APC2: variants seen among roughly 807,000 people sequenced by gnomAD.
APC2 encodes APC regulator of Wnt signaling pathway 2.
APC2 carries 41 observed loss-of-function variants against 72.5 expected under a neutral mutation model. The observed-to-expected ratio is 0.57, with a 90% CI of 0.44 to 0.73. The LOEUF is 0.73. Among genes scored for constraint, APC2 ranks in the 30% least tolerant of loss-of-function variants. The pLI is 0.00. For missense variants in APC2, 3,729 were observed against 3,403.4 expected (o/e 1.10, Z -2.38); for synonymous variants, 1,898 against 1,612.0 (o/e 1.18, Z -4.25).
rs1320583045 is a variant in APC2, at chr19:1,470,473, G to C, written c.*260G>C. 1 of 507,282 alleles carries C rather than the reference G, an allele frequency of 2.0e-6. No individual in the cohort carries two copies. The highest frequency in any genetic ancestry group is 3.3e-6 in the Non-Finnish European group (1 of 298,800). The allele number at this position is 507,282 out of a possible 1,614,324, so 31.4% of individuals were successfully genotyped here. The stretch of plus-strand genomic sequence containing the variant: ...TCCCGACCGTGGAGCGCTGGCAAGG[G>C]CGTCCTGGCCCAGCCCTGAGCGCGC... On this transcript the variant is annotated 3_prime_UTR_variant, in exon 15 of 15. Transcript: ENST00000590469.
intron 1 of APC2, chr19:1,451,170 A>T (rs970730775): frequency 6.5e-6 from 1 of 153,238 alleles, no homozygotes; most frequent in Non-Finnish European, 1.5e-5. Context: ...CGCTGGGCAG[A>T]GCTTGGAGGG....
In APC2 at chr19:1,466,907, C is replaced by A; in HGVS notation, c.3606C>A (p.Pro1202=). 1 of 1,584,860 alleles carries A rather than the reference C, an allele frequency of 6.3e-7. No individual in the cohort carries two copies. Among genetic ancestry groups the A allele is most frequent in the East Asian group, 2.3e-5 (1 of 43,518 alleles). The change falls in exon 15 of 15, where the codon CCC becomes CCA. Residue 1202 remains proline (P), a synonymous_variant. Coordinates refer to ENST00000590469, the MANE Select transcript of APC2 (RefSeq NM_005883.3). ...GCCCTAGCGAGCTGCCCGACAGCCC[C>A]GGACAGACCATGCCTCCCAGCCGGA... The part of the protein sequence containing the change: ...TISPSELPDS[P]GQTMPPSRSK...
chr19:1,459,031 C>T (rs747900022), intron 10 of APC2, among the ~76,000 whole-genome samples: 118 of 152,006 alleles, frequency 7.8e-4, no homozygotes, highest in Non-Finnish European at 7.4e-4. Flanking sequence ...CCTGCTCATC[C>T]TGTCCCCAGC....
chr19:1,452,966 C>G lies in APC2; in HGVS notation c.-18-18C>G. ...CTCCCCAGACCATCAGCTGAACCCT[C>G]TGACCCTGTGATCCCAGACGCTGCA... On this transcript the variant is annotated intron_variant, in intron 1 of 14. Coordinates refer to ENST00000590469, the MANE Select transcript of APC2 (RefSeq NM_005883.3). This position sits in a 1 kb window ranked among gnomAD's most constrained non-coding sequence, Gnocchi z 5.1. 6.2e-7 allele frequency: 1 copy of G among 1,608,982 alleles called. No individual in the cohort carries two copies. Among genetic ancestry groups the G allele is most frequent in the Non-Finnish European group, 8.5e-7 (1 of 1,178,994 alleles).
At position 1,467,440 on chromosome 19, in the gene APC2, C is replaced by T. The variant is rs977817857; in HGVS notation, c.4139C>T (p.Pro1380Leu). 6.8e-7 allele frequency: 1 copy of T among 1,478,078 alleles called. No individual in the cohort carries two copies. The highest frequency in any genetic ancestry group is 8.9e-7 in the Non-Finnish European group (1 of 1,118,378). 91.6% of individuals were successfully genotyped at this position (1,478,078 alleles called of 1,614,324 possible). The part of the protein sequence containing the change: ...PVPVYMLVPA[P>L]APAQEDDSCT... ...CCCGTCTACATGTTGGTGCCCGCCC[C>T]GGCCCCGGCCCAGGAGGACGACTCC... The change falls in exon 15 of 15, where the codon CCG becomes CTG. Residue 1380 changes from proline to leucine, a missense_variant. Physicochemically the swap from Pro to Leu is moderately conservative, Grantham distance 98. Coordinates refer to ENST00000590469, the MANE Select transcript of APC2 (RefSeq NM_005883.3).
upstream of APC2, among the ~76,000 whole-genome samples, chr19:1,449,241 C>G (rs893268635): frequency 4.6e-5 from 7 of 152,214 alleles, no homozygotes; most frequent in Non-Finnish European, 8.8e-5. Flanking sequence ...AATCACTCTT[C>G]TGGCCCCAGT....
At position 1,467,482 on chromosome 19, in the gene APC2, A is replaced by C; in HGVS notation, c.4181A>C (p.Glu1394Ala). ...QEDDSCTDSA[E>A]GTPVNFSSAA... Reference sequence around the variant, plus strand: ...GACGACTCCTGCACTGACTCCGCGGAGGGCACGCCGGTCAACTTCTCTAGC... The same window carrying C: ...GACGACTCCTGCACTGACTCCGCGGCGGGCACGCCGGTCAACTTCTCTAGC... The change falls in exon 15 of 15, where the codon GAG (glutamate) becomes GCG (alanine). Residue 1394 changes from glutamate (E) to alanine (A), a missense_variant. Coordinates refer to ENST00000590469, the MANE Select transcript of APC2 (RefSeq NM_005883.3). The C allele has an allele frequency of 6.9e-7, 1 of 1,453,108 alleles. No individual in the cohort carries two copies. The highest frequency in any genetic ancestry group is 1.3e-5 in the South Asian group (1 of 74,530). 90.0% of individuals were successfully genotyped at this position (1,453,108 alleles called of 1,614,324 possible).
In APC2 at chr19:1,468,304, G is replaced by T; in HGVS notation, c.5003G>T (p.Arg1668Leu). ...DERPAEGSRE[R>L]GEEAAGSDRA... ...CGGCCCGCAGAGGGGTCCCGGGAACGCGGCGAGGAGGCAGCGGGCTCGGAC... is the reference window on the plus strand; with the variant it reads ...CGGCCCGCAGAGGGGTCCCGGGAACTCGGCGAGGAGGCAGCGGGCTCGGAC... Residue 1668 changes from arginine (R) to leucine (L), a missense_variant, in exon 15 of 15, where the codon CGC becomes CTC. By Grantham distance (102) the Arg-to-Leu change is moderately radical (BLOSUM62 -2). Transcript: ENST00000590469. The T allele has an allele frequency of 6.5e-7, 1 of 1,543,910 alleles. No homozygotes were observed.
In APC2 at chr19:1,468,267, C is replaced by G. The variant is rs770760502; in HGVS notation, c.4966C>G (p.Arg1656Gly). 5.2e-6 allele frequency: 8 copies of G among 1,529,240 alleles called. No individual in the cohort carries two copies. The East Asian group carries it at 1.3e-4, about 24-fold the overall frequency. The allele number at this position is 1,529,240 out of a possible 1,614,324, so 94.7% of individuals were successfully genotyped here. A position where few individuals can be genotyped will look rare whatever the true frequency, so the allele number is the denominator to read the frequency against. Residue 1656 changes from arginine to glycine, a missense_variant, in exon 15 of 15, where the codon CGG (arginine) becomes GGG (glycine). By Grantham distance (125) the Arg-to-Gly change is moderately radical. Coordinates refer to ENST00000590469, the MANE Select transcript of APC2 (RefSeq NM_005883.3). The part of the protein sequence containing the change: ...GLRRRKPRAT[R>G]LDERPAEGSR... The stretch of plus-strand genomic sequence containing the variant: ...GCGGCGCCGCAAGCCCCGAGCCACC[C>G]GGCTGGATGAGCGGCCCGCAGAGGG...
rs1413636202 is a variant in APC2 at position 1,460,808 on chromosome 19, T to C, written c.1472T>C (p.Met491Thr). ...ACCCTGTGTGCGCGCCGCGGCTGCATGGAGGCCATCGTGGCCCAGCTGGCC... is the reference window on the plus strand; with the variant it reads ...ACCCTGTGTGCGCGCCGCGGCTGCACGGAGGCCATCGTGGCCCAGCTGGCC... ...KATLCARRGC[M>T]EAIVAQLASD... The change falls in exon 12 of 15, where the codon ATG becomes ACG. Residue 491 changes from methionine (M) to threonine (T), a missense_variant. Transcript: ENST00000590469. 1.9e-6 allele frequency: 3 copies of C among 1,613,200 alleles called. No homozygotes were observed. The highest frequency in any genetic ancestry group is 1.7e-5 in the Admixed American group (1 of 60,016).
chr19:1,467,009 C>T lies in APC2; in HGVS notation c.3708C>T (p.Tyr1236=). The T allele has an allele frequency of 6.2e-7, 1 of 1,610,166 alleles. No individual in the cohort carries two copies. Among genetic ancestry groups the T allele is most frequent in the Non-Finnish European group, 8.5e-7 (1 of 1,178,982 alleles). ...AGTTCAGCCTGCAGTGGGAGAGCTA[C>T]GTGAAGCGCTTCCTGGACATCGCCG... The part of the protein sequence containing the change: ...ATQFSLQWES[Y]VKRFLDIADC... The change falls in exon 15 of 15, where the codon TAC becomes TAT. Residue 1236 remains tyrosine (Y), a synonymous_variant. Transcript: ENST00000590469.
In APC2 at chr19:1,469,967, G is replaced by C. The variant is rs1005820670; in HGVS notation, c.6666G>C (p.Gln2222His). ...CCCCCGGGGCCCCCGCCGGCGGCCA[G>C]CTCTCCCTCCTCGGCAGCGACGTGG... is the stretch of plus-strand genomic sequence containing the variant. ...REPPGAPAGGQLSLLGSDVDG... is the reference protein window; with the variant it reads ...REPPGAPAGGHLSLLGSDVDG... Residue 2222 changes from glutamine to histidine, a missense_variant, in exon 15 of 15, where the codon CAG becomes CAC. Gln to His is a conservative substitution (Grantham distance 24, BLOSUM62 0). Coordinates refer to ENST00000590469, the MANE Select transcript of APC2 (RefSeq NM_005883.3). 6 of 1,519,780 alleles carry C rather than the reference G, an allele frequency of 3.9e-6. No individual in the cohort carries two copies. The African/African-American group carries it at 4.2e-5, about 11-fold the overall frequency. The allele number at this position is 1,519,780 out of a possible 1,614,324, so 94.1% of individuals were successfully genotyped here. A position where few individuals can be genotyped will look rare whatever the true frequency, so the allele number is the denominator to read the frequency against.
intron 8 of APC2, 121 bp from the exon 9 acceptor site, chr19:1,456,732 T>C: frequency 7.9e-7 from 1 of 1,266,682 alleles, no homozygotes; most frequent in Non-Finnish European, 1.1e-6. Context: ...CCCTCATCTG[T>C]CCCCCAGGTG....
In APC2 at chr19:1,466,339, C is replaced by T; in HGVS notation, c.3038C>T (p.Ala1013Val). The T allele has an allele frequency of 6.4e-7, 1 of 1,557,946 alleles. No individual in the cohort carries two copies. The part of the protein sequence containing the change: ...PLLEGASRAG[A>V]EPLAGPGISP... ...CTTGAGGGTGCCTCAAGGGCGGGTGCAGAGCCCCTCGCGGGGCCTGGAATC... is the reference window on the plus strand; with the variant it reads ...CTTGAGGGTGCCTCAAGGGCGGGTGTAGAGCCCCTCGCGGGGCCTGGAATC... The change falls in exon 15 of 15, where the codon GCA becomes GTA. Residue 1013 changes from alanine to valine, a missense_variant. By Grantham distance (64) the Ala-to-Val change is moderately conservative. Coordinates refer to ENST00000590469, the MANE Select transcript of APC2 (RefSeq NM_005883.3).
chr19:1,461,227 C>T (rs2083917834), intron 13 of APC2, 74 bp downstream of exon 13: 5 of 1,329,574 alleles, frequency 3.8e-6, no homozygotes, highest in Middle Eastern at 2.3e-4. Flanking sequence ...CGGGCGAGCT[C>T]TCCGACTTGG....
rs2084088385 is a variant in APC2, at chr19:1,469,313, G to C, written c.6012G>C (p.Leu2004Phe). Residue 2004 changes from leucine to phenylalanine, a missense_variant, in exon 15 of 15, where the codon TTG (leucine) becomes TTC (phenylalanine). Coordinates refer to ENST00000590469, the MANE Select transcript of APC2 (RefSeq NM_005883.3). ...QLTFIKESPGLRRRRSELSSA... is the reference protein window; with the variant it reads ...QLTFIKESPGFRRRRSELSSA... Reference sequence around the variant, plus strand: ...CCTTCATCAAGGAGTCGCCGGGCTTGCGGCGCCGCCGCTCCGAGCTGTCCT... The same window carrying C: ...CCTTCATCAAGGAGTCGCCGGGCTTCCGGCGCCGCCGCTCCGAGCTGTCCT... 4.2e-6 allele frequency: 6 copies of C among 1,414,370 alleles called. No homozygotes were observed. Among genetic ancestry groups the C allele is most frequent in the Non-Finnish European group, 5.6e-6 (6 of 1,080,944 alleles). The allele number at this position is 1,414,370 out of a possible 1,614,324, so 87.6% of individuals were successfully genotyped here.
intron 9 of APC2, 27 bp from the exon 10 acceptor site, chr19:1,457,938 G>A (rs1181662179): frequency 6.5e-7 from 1 of 1,533,658 alleles, no homozygotes; most frequent in Non-Finnish European, 8.8e-7. Flanking sequence ...GGGAATGGGG[G>A]CTCTGATCTG....
chr19:1,453,134 G>A lies in APC2; in HGVS notation c.133G>A (p.Gly45Ser). 6.2e-7 allele frequency: 1 copy of A among 1,602,446 alleles called. No individual in the cohort carries two copies. The highest frequency in any genetic ancestry group is 8.5e-7 in the Non-Finnish European group (1 of 1,175,190). The change falls in exon 2 of 15, where the codon GGC becomes AGC. Residue 45 changes from glycine (G) to serine (S), a missense_variant. By Grantham distance (56) the Gly-to-Ser change is moderately conservative (BLOSUM62 0). Transcript: ENST00000590469. The part of the protein sequence containing the change: ...HLSKLETETS[G>S]MKEVLKHLQG... Reference sequence around the variant, plus strand: ...GTCCAAGCTGGAGACAGAGACGTCGGGCATGAAGGTGGGGGCCTACATGGA... The same window carrying A: ...GTCCAAGCTGGAGACAGAGACGTCGAGCATGAAGGTGGGGGCCTACATGGA...
chr19:1,457,342 C>T lies in APC2; in HGVS notation c.1207+99C>T, dbSNP rs551597595. ...AGGACCTCCAGCCTTTGCTGCCTGC[C>T]TTCTGGCGTTGGAGGCTGCAGTACC... On this transcript the variant is annotated intron_variant, in intron 9 of 14. Coordinates refer to ENST00000590469, the MANE Select transcript of APC2 (RefSeq NM_005883.3). The T allele has an allele frequency of 9.1e-6, 13 of 1,424,708 alleles. No homozygotes were observed. In the East Asian group the frequency reaches 1.9e-4, roughly 21 times the overall value. The allele number at this position is 1,424,708 out of a possible 1,614,324, so 88.3% of individuals were successfully genotyped here.
Sources: gnomAD v4.1 joint callset for allele counts (sites outside exome capture counted in the v4.1 genomes callset) on GRCh38, gnomAD v4.1.1 for gene constraint, Gnocchi (gnomAD v3.1) non-coding constraint, MANE v1.5 for transcripts, NCBI Gene and HGNC (gene_info 2026-07-23, HGNC 2026-07-21) for gene names.